The following NXN variants were observed in gnomAD, a reference collection of about 807,000 sequenced individuals.
The protein encoded by NXN is nucleoredoxin.
A neutral mutation model predicts 48.6 loss-of-function variants in NXN; 16 were observed. The ratio of observed to expected loss-of-function variants is 0.33; its 90% confidence interval spans 0.22 to 0.50. The LOEUF (loss-of-function observed/expected upper bound fraction) is 0.50. Among genes scored for constraint, NXN ranks in the 20% least tolerant of loss-of-function variants. The pLI, the probability that NXN is intolerant of heterozygous loss-of-function variation, is 0.98. For missense variants in NXN, 492 were observed against 605.5 expected (o/e 0.81, Z 1.97); for synonymous variants, 281 against 269.6 (o/e 1.04, Z -0.41).
chr17:909,975 A>C (rs1457986500), intron 1 of NXN: 1 of 152,204 alleles, frequency 6.6e-6, no homozygotes, highest in East Asian at 1.9e-4. Context: ...TCCACTATGG[A>C]TCTTATGAAA....
intron 1 of NXN, among the ~76,000 whole-genome samples, chr17:940,376 G>A (rs1376657076): frequency 6.6e-6 from 1 of 152,090 alleles, no homozygotes; most frequent in African/African-American, 2.4e-5. Flanking sequence ...TTACAGGCGT[G>A]AGCCATTGCA....
rs150897833 is a variant in NXN at position 833,583 on chromosome 17, T to C, written c.361-7505A>G. ...AGTCATTTTTGGGTCACAGACAGTTTTGAGGACAAAAGCTATGGATCTTTC... is the reference window on the plus strand; with the variant it reads ...AGTCATTTTTGGGTCACAGACAGTTCTGAGGACAAAAGCTATGGATCTTTC... On this transcript the variant is annotated intron_variant, in intron 1 of 7. Coordinates refer to ENST00000336868, the MANE Select transcript of NXN (RefSeq NM_022463.5). 3.5e-3 allele frequency among the ~76,000 whole-genome samples: 537 copies of C among 151,824 alleles called. 7 individuals are homozygous for C. Among genetic ancestry groups the C allele is most frequent in the African/African-American group, 0.013 (519 of 41,488 alleles).
At chr17:927,682 C>T (rs374370260) in intron 1 of NXN, among the ~76,000 whole-genome samples, 1 of 149,374 alleles carries the variant, frequency 6.7e-6, no homozygotes, top group East Asian at 1.9e-4. Flanking sequence ...AGTCAGACAG[C>T]GATGGTTTGC....
intron 1 of NXN, among the ~76,000 whole-genome samples, chr17:926,539 T>A (rs1427446466): frequency 1.1e-5 from 1 of 94,122 alleles, no homozygotes. Context: ...TTTTTGTTTT[T>A]TTTTTGTTTT....
intron 1 of NXN, among the ~76,000 whole-genome samples, chr17:916,911 C>T (rs1363751620): frequency 6.6e-6 from 1 of 152,100 alleles, no homozygotes; most frequent in African/African-American, 2.4e-5. Context: ...AAAAAAATTA[C>T]AGCAACCAAC....
In NXN at chr17:917,201, G is replaced by A. The variant is rs1287528190; in HGVS notation, c.360+62118C>T. Among the ~76,000 whole-genome samples, 3 of 151,920 alleles carry A rather than the reference G, an allele frequency of 2.0e-5. No homozygotes were observed. Among genetic ancestry groups the A allele is most frequent in the South Asian group, 4.2e-4 (2 of 4,802 alleles). On this transcript the variant is annotated intron_variant, in intron 1 of 7. Coordinates refer to ENST00000336868, the MANE Select transcript of NXN (RefSeq NM_022463.5). The surrounding 1 kb of genome is among the most constrained non-coding windows in gnomAD (Gnocchi z 4.5). ...CTGTAGCCCAGGCTGGAGTGCAATG[G>A]CGCGACCTCGGCTCGCCGTGGCCTC...
At chr17:931,811 G>A (rs1053871561) in intron 1 of NXN, among the ~76,000 whole-genome samples, 3 of 129,368 alleles carry the variant, frequency 2.3e-5, no homozygotes, top group African/African-American at 8.7e-5. Flanking sequence ...CTCCAGCCTG[G>A]GCGACAGAGT....
intron 1 of NXN, among the ~76,000 whole-genome samples, chr17:908,615 G>A (rs1226826): frequency 0.076 from 11,500 of 152,092 alleles, 1,072 homozygotes; most frequent in African/African-American, 0.22. Context: ...AATAGTCCAC[G>A]GCAGTGGATC....
intron 1 of NXN, among the ~76,000 whole-genome samples, chr17:963,949 C>A (rs543001973): frequency 2.0e-5 from 3 of 148,654 alleles, no homozygotes; most frequent in African/African-American, 5.0e-5. Context: ...TGGTGGCGGG[C>A]GCCTGTAATC....
chr17:838,154 T>C, intron 1 of NXN, among the ~76,000 whole-genome samples: 1 of 119,498 alleles, frequency 8.4e-6, no homozygotes, highest in African/African-American at 3.4e-5. Context: ...TTTTTTGAGA[T>C]GGAGTCTCGC....
Position 827,434 on chromosome 17 carries a change from A to G in NXN, c.361-1356T>C, listed in dbSNP as rs148031702. ...CCAGGAGATCGAGACCATCCTGGCT[A>G]ACACGGTGAAACCCCTTCTCTACTA... On this transcript the variant is annotated intron_variant, in intron 1 of 7. Transcript: ENST00000336868. 8.4e-3 allele frequency among the ~76,000 whole-genome samples: 1,278 copies of G among 152,228 alleles called. 21 individuals are homozygous for G. Among genetic ancestry groups the G allele is most frequent in the African/African-American group, 0.029 (1,218 of 41,524 alleles).
At chr17:885,656 G>A (rs1035378037) in intron 1 of NXN, among the ~76,000 whole-genome samples, 1 of 149,204 alleles carries the variant, frequency 6.7e-6, no homozygotes, top group Non-Finnish European at 1.5e-5. Context: ...TGCCCACCTG[G>A]GGGCTGCGGT....
chr17:924,188 G>T (rs1441397545), intron 1 of NXN, among the ~76,000 whole-genome samples: 1 of 152,166 alleles, frequency 6.6e-6, no homozygotes, highest in South Asian at 2.1e-4. Flanking sequence ...GACCACAGGT[G>T]TGTATCACCA....
Position 920,710 on chromosome 17 carries a change from G to A in NXN, c.360+58609C>T, listed in dbSNP as rs146354377. 4.7e-4 allele frequency among the ~76,000 whole-genome samples: 70 copies of A among 148,762 alleles called. No homozygotes were observed. The highest frequency in any genetic ancestry group is 7.3e-4 in the Non-Finnish European group (49 of 67,410). ...TCAAAATCACCTGGAAGATTCCACCGTTCAGGAAGCCTTTTTTTTTTTTTT... is the reference window on the plus strand; with the variant it reads ...TCAAAATCACCTGGAAGATTCCACCATTCAGGAAGCCTTTTTTTTTTTTTT... On this transcript the variant is annotated intron_variant, in intron 1 of 7. Transcript: ENST00000336868. This position sits in a 1 kb window ranked among gnomAD's most constrained non-coding sequence, Gnocchi z 4.6.
chr17:839,804 A>AG (rs1337125827), intron 1 of NXN, among the ~76,000 whole-genome samples: 1 of 140,854 alleles, frequency 7.1e-6, no homozygotes, highest in African/African-American at 2.7e-5. Flanking sequence ...TGTTAAAAAA[A>AG]AAAAAAAAAA....
At chr17:915,766 G>A (rs2144936347) in intron 1 of NXN, among the ~76,000 whole-genome samples, 1 of 152,362 alleles carries the variant, frequency 6.6e-6, no homozygotes, top group South Asian at 2.1e-4. Flanking sequence ...GACCACTTAT[G>A]GGGCCAGAGC....
In NXN at chr17:800,193, G is replaced by C. The variant is rs577751293; in HGVS notation, c.*756C>G. The C allele has an allele frequency of 6.6e-6, 1 of 152,414 alleles. No homozygotes were observed. Among genetic ancestry groups the C allele is most frequent in the Non-Finnish European group, 1.5e-5 (1 of 68,184 alleles). The allele number at this position is 152,414 out of a possible 1,614,324, so 9.4% of individuals were successfully genotyped here. A position where few individuals can be genotyped will look rare whatever the true frequency, so the allele number is the denominator to read the frequency against. On this transcript the variant is annotated 3_prime_UTR_variant, in exon 8 of 8. Transcript: ENST00000336868. Reference sequence around the variant, plus strand: ...CACCTCAGCAGAGATCAGGGGCCTTGGGCACAGAGCTGGGTGGAGCGAGAG... The same window carrying C: ...CACCTCAGCAGAGATCAGGGGCCTTCGGCACAGAGCTGGGTGGAGCGAGAG...
intron 1 of NXN, among the ~76,000 whole-genome samples, chr17:964,438 C>T (rs1014864251): frequency 2.0e-5 from 3 of 152,164 alleles, no homozygotes; most frequent in African/African-American, 7.2e-5. Context: ...TAATACTTTC[C>T]GCAAATCCAA....
chr17:809,149 C>T (rs143304961), intron 5 of NXN, among the ~76,000 whole-genome samples: 2 of 152,268 alleles, frequency 1.3e-5, no homozygotes, highest in Non-Finnish European at 2.9e-5. Flanking sequence ...GTGAGGGTTC[C>T]GGCAACAGTG....
Sources: allele counts gnomAD v4.1 joint callset (sites outside exome capture counted in the v4.1 genomes callset), GRCh38; gene constraint gnomAD v4.1.1; non-coding constraint Gnocchi (gnomAD v3.1); transcripts MANE v1.5; gene names NCBI Gene and HGNC (gene_info 2026-07-23, HGNC 2026-07-21).